CLTC: variants seen among roughly 807,000 people sequenced by gnomAD.
The protein encoded by CLTC is clathrin heavy chain 1.
A neutral mutation model predicts 195.8 loss-of-function variants in CLTC; 16 were observed. That is an observed-to-expected ratio of 0.08 (90% confidence interval 0.06 to 0.12). CLTC has a LOEUF of 0.12. Ranked by LOEUF, CLTC falls within the 10% of genes least tolerant of loss-of-function variation. The pLI is 1.00. For synonymous variants in CLTC, 667 were observed against 689.4 expected, an observed-to-expected ratio of 0.97 and a Z score of 0.51; for missense variants, 796 against 2,027.0, an observed-to-expected ratio of 0.39 and a Z score of 11.66.
At chr17:59,636,856 G>A (rs998876102) in intron 1 of CLTC, among the ~76,000 whole-genome samples, 8 of 151,876 alleles carry the variant, frequency 5.3e-5, no homozygotes, top group Non-Finnish European at 1.0e-4. Context: ...TCTGCCTCCC[G>A]GGTTCAAGCG....
chr17:59,685,052 T>A lies in CLTC; in HGVS notation c.4435-4T>A. The A allele has an allele frequency of 1.3e-6, 2 of 1,532,642 alleles. No individual in the cohort carries two copies. The highest frequency in any genetic ancestry group is 1.2e-5 in the South Asian group (1 of 80,964). The allele number at this position is 1,532,642 out of a possible 1,614,324, so 94.9% of individuals were successfully genotyped here. A position where few individuals can be genotyped will look rare whatever the true frequency, so the allele number is the denominator to read the frequency against. On this transcript the variant is annotated splice_polypyrimidine_tract_variant and splice_region_variant and intron_variant, in intron 28 of 31. Coordinates refer to ENST00000269122, the MANE Select transcript of CLTC (RefSeq NM_004859.4). The surrounding 1 kb of genome is among the most constrained non-coding windows in gnomAD (Gnocchi z 5.0). ...TGGCATTTGGATGGCTTTTTTTTTT[T>A]AAGGCTCTGCGAACATCAATAGATG...
chr17:59,678,433 A>G (rs1485405755), intron 17 of CLTC, among the ~76,000 whole-genome samples: 1 of 152,188 alleles, frequency 6.6e-6, no homozygotes, highest in Non-Finnish European at 1.5e-5. Flanking sequence ...TTCAAACTCC[A>G]GCAGTTTCTC....
intron 1 of CLTC, among the ~76,000 whole-genome samples, chr17:59,623,380 T>G (rs1176865044): frequency 6.6e-6 from 1 of 152,222 alleles, no homozygotes; most frequent in Non-Finnish European, 1.5e-5. Flanking sequence ...AAGTTTAAAA[T>G]GTATCATATT....
At chr17:59,627,498 G>A (rs896442156) in intron 1 of CLTC, among the ~76,000 whole-genome samples, 1 of 152,026 alleles carries the variant, frequency 6.6e-6, no homozygotes, top group Non-Finnish European at 1.5e-5. Context: ...TGCCTCATTT[G>A]GTAAATGGTC....
intron 15 of CLTC, 120 bp from the exon 16 acceptor site, chr17:59,674,581 A>G (rs2032923966): frequency 1.1e-6 from 1 of 886,468 alleles, no homozygotes; most frequent in African/African-American, 1.7e-5. Flanking sequence ...TACTGAATTT[A>G]AAAACTGAAC....
chr17:59,664,968 C>A (rs2032694945), intron 10 of CLTC, 59 bp downstream of exon 10: 7 of 1,592,794 alleles, frequency 4.4e-6, no homozygotes, highest in African/African-American at 1.3e-5. Context: ...GGGGGCCAGC[C>A]ATGGTGGTTG....
At position 59,651,192 on chromosome 17, in the gene CLTC, C is replaced by G. The variant is rs770374293; in HGVS notation, c.682-11C>G. 8.4e-6 allele frequency: 13 copies of G among 1,554,562 alleles called. No homozygotes were observed. The highest frequency in any genetic ancestry group is 1.2e-5 in the Non-Finnish European group (13 of 1,128,804). Reference sequence around the variant, plus strand: ...ATAGGTTTATATACATTTTGATTTTCTTTTGAACAGTTACATATTATTGAA... The same window carrying G: ...ATAGGTTTATATACATTTTGATTTTGTTTTGAACAGTTACATATTATTGAA... On this transcript the variant is annotated splice_polypyrimidine_tract_variant and intron_variant, in intron 4 of 31. Coordinates refer to ENST00000269122, the MANE Select transcript of CLTC (RefSeq NM_004859.4).
At chr17:59,692,794 G>A (rs1210444738) in intron 31 of CLTC, among the ~76,000 whole-genome samples, 2 of 151,850 alleles carry the variant, frequency 1.3e-5, no homozygotes, top group Non-Finnish European at 2.9e-5. Flanking sequence ...GCACCACCAC[G>A]CCCGGCTAAT....
intron 1 of CLTC, among the ~76,000 whole-genome samples, chr17:59,643,634 C>T (rs916294945): frequency 3.3e-4 from 51 of 152,256 alleles, no homozygotes; most frequent in African/African-American, 1.2e-3. Flanking sequence ...ACTTGTAGTT[C>T]CCTTAGCCAA....
intron 1 of CLTC, among the ~76,000 whole-genome samples, chr17:59,621,650 C>T (rs1469745959): frequency 6.6e-6 from 1 of 152,098 alleles, no homozygotes; most frequent in African/African-American, 2.4e-5. Context: ...ATGCACTTTC[C>T]TCAGTCATCT....
At chr17:59,692,115 A>G (rs536587085) in intron 31 of CLTC, among the ~76,000 whole-genome samples, 85 of 152,206 alleles carry the variant, frequency 5.6e-4, no homozygotes, top group African/African-American at 2.0e-3. Context: ...TCAGGAGATC[A>G]AGACCATCCT....
intron 1 of CLTC, among the ~76,000 whole-genome samples, chr17:59,621,077 A>G (rs370343219): frequency 4.6e-5 from 7 of 152,156 alleles, no homozygotes; most frequent in Non-Finnish European, 5.9e-5. Flanking sequence ...CTGCAGGGCT[A>G]TTTGGTCTGT....
chr17:59,644,637 A>AC (rs2032140865), intron 2 of CLTC, 154 bp downstream of exon 2: 2 of 627,624 alleles, frequency 3.2e-6, no homozygotes, highest in Middle Eastern at 4.4e-4. Context: ...TGCAATCTCC[A>AC]CCCCCCAGGT....
chr17:59,639,514 A>AT (rs1249787651), intron 1 of CLTC, among the ~76,000 whole-genome samples: 4 of 152,192 alleles, frequency 2.6e-5, no homozygotes, highest in Admixed American at 6.5e-5. Flanking sequence ...CACTAATGGC[A>AT]TTTTGCAGAT....
chr17:59,669,833 A>G (rs2032808301), intron 14 of CLTC, among the ~76,000 whole-genome samples: 1 of 152,286 alleles, frequency 6.6e-6, no homozygotes, highest in South Asian at 2.1e-4. Flanking sequence ...TGTAGAACAC[A>G]GTATAGAAAG....
chr17:59,673,550 C>G (rs2032900685), intron 14 of CLTC, 97 bp from the exon 15 acceptor site: 1 of 840,334 alleles, frequency 1.2e-6, no homozygotes, highest in Non-Finnish European at 1.9e-6. Flanking sequence ...TTTGTGTGAG[C>G]CTCTCTTGTT....
chr17:59,673,691 T>C lies in CLTC; in HGVS notation c.2337T>C (p.Asp779=), dbSNP rs1259086860. 3.7e-6 allele frequency: 6 copies of C among 1,609,478 alleles called. No individual in the cohort carries two copies. Among genetic ancestry groups the C allele is most frequent in the Non-Finnish European group, 5.1e-6 (6 of 1,176,000 alleles). ...TDQLPLIIVC[D]RFDFVHDLVL... is the part of the protein sequence containing the mutation. ...AGCTACCACTTATCATTGTGTGTGA[T>C]CGATTTGACTTTGTCCATGATTTGG... The change falls in exon 15 of 32, where the codon GAT becomes GAC. Residue 779 remains aspartate, a synonymous_variant. Transcript: ENST00000269122.
chr17:59,642,172 C>A (rs1163909117), intron 1 of CLTC, among the ~76,000 whole-genome samples: 1 of 151,956 alleles, frequency 6.6e-6, no homozygotes, highest in Non-Finnish European at 1.5e-5. Flanking sequence ...ATAGTGTTTT[C>A]TTAAAGTCAT....
chr17:59,620,069 G>C lies in CLTC; in HGVS notation c.-63G>C. On this transcript the variant is annotated 5_prime_UTR_variant, in exon 1 of 32. Transcript: ENST00000269122. ...CCCTTCTCCTCCTCTCCCTTGGAGA[G>C]CCCGGGCAGCCACTGCCCCGCAGCC... The C allele has an allele frequency of 6.5e-7, 1 of 1,529,844 alleles. No homozygotes were observed. Among genetic ancestry groups the C allele is most frequent in the Non-Finnish European group, 9.0e-7 (1 of 1,105,016 alleles). The allele number at this position is 1,529,844 out of a possible 1,614,324, so 94.8% of individuals were successfully genotyped here. A position where few individuals can be genotyped will look rare whatever the true frequency, so the allele number is the denominator to read the frequency against.
Sources: allele counts gnomAD v4.1 joint callset (sites outside exome capture counted in the v4.1 genomes callset), GRCh38; gene constraint gnomAD v4.1.1; non-coding constraint Gnocchi (gnomAD v3.1); transcripts MANE v1.5; gene names NCBI Gene and HGNC (gene_info 2026-07-23, HGNC 2026-07-21).